The following SLC10A7 variants were observed in gnomAD, a reference collection of about 807,000 sequenced individuals.
SLC10A7 encodes the protein solute carrier family 10 member 7.
SLC10A7 carries 29 observed loss-of-function variants against 43.2 expected under a neutral mutation model. The ratio of observed to expected loss-of-function variants is 0.67; its 90% CI spans 0.50 to 0.92. The LOEUF is 0.92. SLC10A7 is among the 40% of genes least tolerant of loss of function. The probability of loss-of-function intolerance (pLI) is 0.00; values close to 1 mark genes in which losing one functional copy is unlikely to be tolerated. For missense variants in SLC10A7, 295 were observed against 403.2 expected (o/e 0.73, Z 2.30); for synonymous variants, 152 against 144.8 (o/e 1.05, Z -0.35).
At position 146,499,013 on chromosome 4, in the gene SLC10A7, A is replaced by C. The variant is rs551370785; in HGVS notation, c.396+4836T>G. 3.9e-5 allele frequency among the ~76,000 whole-genome samples: 6 copies of C among 152,308 alleles called. No individual in the cohort carries two copies. In the East Asian group the frequency reaches 1.2e-3, roughly 29 times the overall value. On this transcript the variant is annotated intron_variant, in intron 4 of 11. Coordinates refer to ENST00000335472, the MANE Select transcript of SLC10A7 (RefSeq NM_001029998.6). ...GAAAACAATCATTTCAAATGACACC[A>C]TTACAACTGCATACATCCCCAAATC...
chr4:146,400,081 G>T (rs1331941334), intron 5 of SLC10A7, among the ~76,000 whole-genome samples: 1 of 152,144 alleles, frequency 6.6e-6, no homozygotes, highest in Non-Finnish European at 1.5e-5. Context: ...AATTGAGAAG[G>T]GGAGCAGTCA....
chr4:146,256,706 C>G, intron 11 of SLC10A7, 186 bp from the exon 12 acceptor site: 1 of 961,894 alleles, frequency 1.0e-6, no homozygotes. Flanking sequence ...GGCCAGCAGA[C>G]TTTGTCATTT....
chr4:146,465,425 C>T (rs1732932301), intron 4 of SLC10A7, among the ~76,000 whole-genome samples: 1 of 152,096 alleles, frequency 6.6e-6, no homozygotes. Flanking sequence ...TTTTGAAAAA[C>T]TGCTTTTTGA....
At chr4:146,279,519 C>T (rs1243391495) in intron 10 of SLC10A7, among the ~76,000 whole-genome samples, 1 of 152,082 alleles carries the variant, frequency 6.6e-6, no homozygotes, top group Non-Finnish European at 1.5e-5. Context: ...ATAAAAATTG[C>T]CATCAAACTA....
intron 1 of SLC10A7, 49 bp from the exon 2 acceptor site, chr4:146,517,169 A>C (rs1315515442): frequency 6.9e-7 from 1 of 1,452,148 alleles, no homozygotes; most frequent in African/African-American, 1.4e-5. Context: ...TCAGTAGATA[A>C]CTTGGCACAA....
At chr4:146,368,186 T>C (rs907883827) in intron 5 of SLC10A7, among the ~76,000 whole-genome samples, 8 of 152,184 alleles carry the variant, frequency 5.3e-5, no homozygotes, top group Non-Finnish European at 8.8e-5. Flanking sequence ...CACATGCATG[T>C]GTACTTTTTA....
intron 5 of SLC10A7, among the ~76,000 whole-genome samples, chr4:146,356,012 A>G (rs1735577528): frequency 7.0e-6 from 1 of 143,548 alleles, no homozygotes; most frequent in African/African-American, 2.6e-5. Context: ...CACAATGTGC[A>G]CATGTACCCT....
intron 4 of SLC10A7, among the ~76,000 whole-genome samples, chr4:146,496,705 T>C (rs1735932311): frequency 6.6e-6 from 1 of 152,178 alleles, no homozygotes; most frequent in Admixed American, 6.5e-5. Flanking sequence ...AGCATAAAAA[T>C]ATAGTTTTCC....
chr4:146,305,800 T>C, intron 7 of SLC10A7, 126 bp downstream of exon 7: 7 of 796,228 alleles, frequency 8.8e-6, no homozygotes, highest in Non-Finnish European at 1.2e-5. Flanking sequence ...GAAAGTTTTG[T>C]TTTTAGTCTC....
chr4:146,515,776 G>C (rs530239595), intron 2 of SLC10A7, among the ~76,000 whole-genome samples: 2 of 152,106 alleles, frequency 1.3e-5, no homozygotes, highest in East Asian at 3.9e-4. Context: ...CGGGCGTGGT[G>C]GTGGGTGCCT....
At chr4:146,469,510 T>C (rs1363449273) in intron 4 of SLC10A7, among the ~76,000 whole-genome samples, 2 of 152,156 alleles carry the variant, frequency 1.3e-5, no homozygotes, top group Non-Finnish European at 2.9e-5. Context: ...TAAACAGACA[T>C]GTGATGAATT....
chr4:146,304,509 C>T (rs534825031), intron 7 of SLC10A7, among the ~76,000 whole-genome samples: 76 of 151,974 alleles, frequency 5.0e-4, no homozygotes, highest in Non-Finnish European at 8.7e-4. Context: ...CATTATGTAC[C>T]CAGTAGTCAT....
intron 5 of SLC10A7, chr4:146,441,746 G>A (rs994256151): frequency 2.0e-6 from 2 of 984,474 alleles, no homozygotes; most frequent in African/African-American, 3.5e-5. Context: ...ATAAAAATAG[G>A]ATATAAGCTA....
rs1370054174 is a variant in SLC10A7 at position 146,266,271 on chromosome 4, T to C, written c.848-7434A>G. On this transcript the variant is annotated intron_variant, in intron 10 of 11. Transcript: ENST00000335472. ...TTAGTGAATCTTTCAGAAAAGCTCA[T>C]GTTTGCCTTTAAAATTCATTGGTAT... is the stretch of plus-strand genomic sequence containing the variant. Among the ~76,000 whole-genome samples, 4 of 152,352 alleles carry C rather than the reference T, an allele frequency of 2.6e-5. No homozygotes were observed. In the East Asian group the frequency reaches 5.8e-4, roughly 22 times the overall value.
chr4:146,469,184 C>G (rs1364825540), intron 4 of SLC10A7, among the ~76,000 whole-genome samples: 1 of 152,164 alleles, frequency 6.6e-6, no homozygotes, highest in Non-Finnish European at 1.5e-5. Context: ...AACTTCTAAC[C>G]CAGTCATCAT....
In SLC10A7 at chr4:146,431,639, A is replaced by T. The variant is rs185361262; in HGVS notation, c.435+11144T>A. ...AACCAATACACTAAACTATACACAA[A>T]CATTAATTCAAAATGGGTCACAAGA... is the stretch of plus-strand genomic sequence containing the variant. On this transcript the variant is annotated intron_variant, in intron 5 of 11. Coordinates refer to ENST00000335472, the MANE Select transcript of SLC10A7 (RefSeq NM_001029998.6). Among the ~76,000 whole-genome samples the T allele has an allele frequency of 9.9e-5, 15 of 152,258 alleles. 1 individual carries two copies. The East Asian group carries it at 2.3e-3, about 23-fold the overall frequency.
intron 6 of SLC10A7, among the ~76,000 whole-genome samples, chr4:146,316,553 C>T (rs1732338351): frequency 6.6e-6 from 1 of 152,058 alleles, no homozygotes; most frequent in South Asian, 2.1e-4. Flanking sequence ...CTTGGACTTC[C>T]CAGCTTCCAG....
chr4:146,429,599 C>T (rs1177321528), intron 5 of SLC10A7, among the ~76,000 whole-genome samples: 1 of 150,384 alleles, frequency 6.6e-6, no homozygotes, highest in Admixed American at 6.6e-5. Context: ...AAATAGCAGG[C>T]TAACAAAAAT....
intron 5 of SLC10A7, among the ~76,000 whole-genome samples, chr4:146,395,358 A>G (rs572373798): frequency 6.6e-6 from 1 of 152,306 alleles, no homozygotes; most frequent in Non-Finnish European, 1.5e-5. Context: ...CCACTGCACT[A>G]CATTCTAGGT....
Sources: allele counts gnomAD v4.1 joint callset (sites outside exome capture counted in the v4.1 genomes callset), GRCh38; gene constraint gnomAD v4.1.1; transcripts MANE v1.5; gene names NCBI Gene and HGNC (gene_info 2026-07-23, HGNC 2026-07-21).